The following ANKS1A variants were observed in gnomAD, a reference collection of about 807,000 sequenced individuals.
The protein encoded by ANKS1A is ankyrin repeat and sterile alpha motif domain containing 1A, also known as ankyrin repeat and SAM domain-containing protein 1A.
Under a neutral mutation model 120.3 loss-of-function variants are expected in ANKS1A, and 55 were observed. That is an observed-to-expected ratio of 0.46 (90% confidence interval 0.37 to 0.57). ANKS1A has a LOEUF of 0.57. Ranked by LOEUF, ANKS1A falls within the 20% of genes least tolerant of loss-of-function variation. The pLI is 0.00. For synonymous variants in ANKS1A, 590 were observed against 604.7 expected (o/e 0.98, Z 0.36); for missense variants, 1,123 against 1,480.3 (o/e 0.76, Z 3.96).
chr6:34,978,000 C>T (rs903950792), intron 3 of ANKS1A, among the ~76,000 whole-genome samples: 8 of 151,896 alleles, frequency 5.3e-5, no homozygotes, highest in Non-Finnish European at 1.2e-4. Flanking sequence ...ACTCTGTCAC[C>T]CAGGCTGGAG....
At chr6:35,036,880 G>A (rs746193158) in intron 11 of ANKS1A, among the ~76,000 whole-genome samples, 1 of 152,216 alleles carries the variant, frequency 6.6e-6, no homozygotes, top group Non-Finnish European at 1.5e-5. Flanking sequence ...CAGACCTTCT[G>A]AATTAGAAAC....
At chr6:35,063,558 C>T (rs1776623039) in intron 13 of ANKS1A, among the ~76,000 whole-genome samples, 1 of 152,196 alleles carries the variant, frequency 6.6e-6, no homozygotes, top group South Asian at 2.1e-4. Flanking sequence ...GAAACTGACA[C>T]AGAAATTCAC....
chr6:34,921,190 C>A (rs117867766), intron 1 of ANKS1A, among the ~76,000 whole-genome samples: 4 of 152,196 alleles, frequency 2.6e-5, no homozygotes, highest in Non-Finnish European at 5.9e-5. Flanking sequence ...CTGATTGATA[C>A]AGAAAACTTA....
intron 3 of ANKS1A, among the ~76,000 whole-genome samples, chr6:34,978,068 C>A (rs763848490): frequency 2.6e-5 from 4 of 152,052 alleles, no homozygotes; most frequent in Non-Finnish European, 5.9e-5. Flanking sequence ...AAGCGATTCT[C>A]CTGCCTCAGC....
chr6:34,960,437 G>A (rs1411145556), intron 1 of ANKS1A, among the ~76,000 whole-genome samples: 1 of 151,990 alleles, frequency 6.6e-6, no homozygotes, highest in Non-Finnish European at 1.5e-5. Flanking sequence ...CCCCTAGAAG[G>A]CGCACTTCAC....
intron 16 of ANKS1A, among the ~76,000 whole-genome samples, 197 bp downstream of exon 16, chr6:35,080,125 CAT>C (rs1777596184): frequency 6.6e-6 from 1 of 152,134 alleles, no homozygotes; most frequent in Non-Finnish European, 1.5e-5. Flanking sequence ...CGATCAAACA[CAT>C]AAAACTTGGG....
chr6:34,985,330 CCT>C, intron 8 of ANKS1A, 52 bp downstream of exon 8: 1 of 1,570,070 alleles, frequency 6.4e-7, no homozygotes, highest in Non-Finnish European at 8.7e-7. Context: ...CTGGCTGGCC[CCT>C]GAGGTGATGG....
intron 13 of ANKS1A, among the ~76,000 whole-genome samples, chr6:35,066,537 T>C (rs1238512569): frequency 1.3e-5 from 2 of 151,524 alleles, no homozygotes; most frequent in Admixed American, 1.3e-4. Context: ...AAGGACCTGC[T>C]TGGGAGAACA....
At chr6:35,059,520 A>T (rs1391129156) in intron 12 of ANKS1A, among the ~76,000 whole-genome samples, 3 of 152,082 alleles carry the variant, frequency 2.0e-5, no homozygotes, top group African/African-American at 7.2e-5. Flanking sequence ...CTTGTGTTGC[A>T]TGTGCTGGGT....
chr6:34,915,900 A>T (rs1768132408), intron 1 of ANKS1A, among the ~76,000 whole-genome samples: 1 of 148,088 alleles, frequency 6.8e-6, no homozygotes, highest in South Asian at 2.2e-4. Context: ...CAGAGAAAGT[A>T]TTTGGTTTCA....
chr6:34,968,717 C>T (rs755061223), intron 2 of ANKS1A, among the ~76,000 whole-genome samples: 4 of 152,028 alleles, frequency 2.6e-5, no homozygotes, highest in Non-Finnish European at 5.9e-5. Context: ...GGATTACAGG[C>T]ATGAGCCACT....
At chr6:34,996,647 A>G (rs891789294) in intron 10 of ANKS1A, among the ~76,000 whole-genome samples, 3 of 151,930 alleles carry the variant, frequency 2.0e-5, no homozygotes, top group African/African-American at 7.3e-5. Flanking sequence ...TAATTTTTGT[A>G]TTTTTAGTAG....
intron 1 of ANKS1A, among the ~76,000 whole-genome samples, chr6:34,940,737 C>T (rs554740186): frequency 1.1e-4 from 16 of 151,834 alleles, no homozygotes; most frequent in East Asian, 9.9e-4. Context: ...GATGAAACCC[C>T]GTCTCTACTA....
intron 11 of ANKS1A, among the ~76,000 whole-genome samples, chr6:35,045,133 G>A (rs1201485562): frequency 6.6e-6 from 1 of 152,230 alleles, no homozygotes; most frequent in Non-Finnish European, 1.5e-5. Flanking sequence ...TTAGGATGAT[G>A]TCACTCAGGG....
rs539621827 is a variant in ANKS1A, at chr6:35,090,011, A to G, written c.*1402A>G. On this transcript the variant is annotated 3_prime_UTR_variant, in exon 24 of 24. Transcript: ENST00000360359. ...ATGTGCAGGGAGTACTGTTAGGCAC[A>G]TTCTTAACCCATGTGGTTGGCCAGA... The G allele has an allele frequency of 6.8e-5, 82 of 1,206,114 alleles. 4 individuals are homozygous for G. The African/African-American group carries it at 1.2e-3, about 18-fold the overall frequency. 74.7% of individuals were successfully genotyped at this position (1,206,114 alleles called of 1,614,324 possible).
chr6:35,037,773 G>A (rs752201712), intron 11 of ANKS1A, among the ~76,000 whole-genome samples: 1 of 152,164 alleles, frequency 6.6e-6, no homozygotes, highest in Non-Finnish European at 1.5e-5. Context: ...GCAGATGGGA[G>A]GGTTTAGAAA....
At position 35,024,388 on chromosome 6, in the gene ANKS1A, A is replaced by C. The variant is rs553197030; in HGVS notation, c.2010+6329A>C. Among the ~76,000 whole-genome samples, 5 of 152,388 alleles carry C rather than the reference A, an allele frequency of 3.3e-5. No individual in the cohort carries two copies. The East Asian group carries it at 5.8e-4, about 18-fold the overall frequency. On this transcript the variant is annotated intron_variant, in intron 11 of 23. Transcript: ENST00000360359. The stretch of plus-strand genomic sequence containing the variant: ...CTGCCTTTGAATGGGATTAAAGTTT[A>C]TGAAAGAGAAAACCACAGAAGGCTG...
intron 13 of ANKS1A, among the ~76,000 whole-genome samples, chr6:35,068,590 C>T (rs1776912305): frequency 6.6e-6 from 1 of 152,212 alleles, no homozygotes; most frequent in Non-Finnish European, 1.5e-5. Context: ...TGTCCAGGTT[C>T]TCCCCGCCAC....
intron 13 of ANKS1A, among the ~76,000 whole-genome samples, chr6:35,075,890 A>G (rs1432499952): frequency 6.6e-6 from 1 of 152,130 alleles, no homozygotes; most frequent in Non-Finnish European, 1.5e-5. Context: ...CTTTCCAAGT[A>G]GCTGAGACCA....
Sources: allele counts gnomAD v4.1 joint callset (sites outside exome capture counted in the v4.1 genomes callset), GRCh38; gene constraint gnomAD v4.1.1; transcripts MANE v1.5; gene names NCBI Gene and HGNC (gene_info 2026-07-23, HGNC 2026-07-21).